The following WDPCP variants were observed in gnomAD, a reference collection of about 807,000 sequenced individuals.
WDPCP encodes the protein WD repeat containing planar cell polarity effector.
In WDPCP, 71 loss-of-function variants were observed where a neutral mutation model predicts 93.1. That is an observed-to-expected ratio of 0.76 (90% CI 0.63 to 0.93). The LOEUF (loss-of-function observed/expected upper bound fraction) is 0.93. WDPCP is among the 40% of genes least tolerant of loss of function. WDPCP has a pLI of 0.00. For missense variants in WDPCP, 844 were observed against 887.4 expected (o/e 0.95, Z 0.62); for synonymous variants, 315 against 315.0 (o/e 1.00, Z 0.00).
chr2:63,808,286 C>T (rs1382835709), intron 2 of WDPCP, among the ~76,000 whole-genome samples: 6 of 150,324 alleles, frequency 4.0e-5, no homozygotes, highest in Non-Finnish European at 7.4e-5. Flanking sequence ...TTAATTCCTT[C>T]GCTCCCTCTC....
At chr2:63,335,096 C>G (rs758270329) in intron 12 of WDPCP, among the ~76,000 whole-genome samples, 1 of 152,140 alleles carries the variant, frequency 6.6e-6, no homozygotes, top group Non-Finnish European at 1.5e-5. Context: ...GAGCTAGATG[C>G]GTAAGTGACT....
intron 13 of WDPCP, among the ~76,000 whole-genome samples, chr2:63,296,499 C>G (rs775167414): frequency 1.3e-5 from 2 of 152,166 alleles, no homozygotes; most frequent in Non-Finnish European, 2.9e-5. Flanking sequence ...AAAGAGTAGT[C>G]AAACTATCTC....
At chr2:63,799,100 T>C (rs1670659042) in intron 2 of WDPCP, among the ~76,000 whole-genome samples, 1 of 152,200 alleles carries the variant, frequency 6.6e-6, no homozygotes, top group Admixed American at 6.5e-5. Flanking sequence ...TTTCACACTT[T>C]AGAGTCTGCC....
chr2:63,156,540 C>T (rs1372540894), intron 15 of WDPCP, among the ~76,000 whole-genome samples: 5 of 151,630 alleles, frequency 3.3e-5, no homozygotes, highest in East Asian at 2.0e-4. Context: ...GTTCGAGACC[C>T]GTCTGGCCAA....
chr2:63,746,498 T>A (rs554531448), intron 2 of WDPCP, among the ~76,000 whole-genome samples: 1 of 152,230 alleles, frequency 6.6e-6, no homozygotes, highest in African/African-American at 2.4e-5. Context: ...GAGCCATACT[T>A]CTCTTATTAC....
chr2:63,350,744 C>T (rs1294786175), intron 12 of WDPCP, among the ~76,000 whole-genome samples: 1 of 151,864 alleles, frequency 6.6e-6, no homozygotes, highest in Non-Finnish European at 1.5e-5. Flanking sequence ...TTATGTAAAG[C>T]TTTGGATGTC....
intron 1 of WDPCP, among the ~76,000 whole-genome samples, chr2:63,579,052 C>A (rs1304517016): frequency 6.6e-6 from 1 of 152,122 alleles, no homozygotes; most frequent in African/African-American, 2.4e-5. Flanking sequence ...GAGGTGGTCT[C>A]TGTTCCTTAC....
At chr2:63,361,126 A>G (rs1690415890) in intron 12 of WDPCP, among the ~76,000 whole-genome samples, 1 of 152,196 alleles carries the variant, frequency 6.6e-6, no homozygotes, top group Middle Eastern at 3.2e-3. Context: ...ATTCATAGTG[A>G]CCTTAATCAC....
intron 1 of WDPCP, among the ~76,000 whole-genome samples, chr2:63,536,626 A>T (rs1324757918): frequency 1.3e-5 from 2 of 150,444 alleles, no homozygotes; most frequent in Non-Finnish European, 3.0e-5. Context: ...AATTAAATAT[A>T]AAAAAAAATT....
chr2:63,570,167 T>C (rs1326474825), intron 1 of WDPCP, among the ~76,000 whole-genome samples: 3 of 152,230 alleles, frequency 2.0e-5, no homozygotes, highest in Non-Finnish European at 4.4e-5. Flanking sequence ...GATGCAAATA[T>C]TTATAAATGT....
chr2:63,618,881 G>T (rs1322769130), intron 3 of WDPCP, among the ~76,000 whole-genome samples: 1 of 151,996 alleles, frequency 6.6e-6, no homozygotes, highest in Non-Finnish European at 1.5e-5. Context: ...TAGAGACAGG[G>T]TTTCTCCATG....
intron 1 of WDPCP, among the ~76,000 whole-genome samples, chr2:63,510,024 C>T (rs1350742121): frequency 1.3e-5 from 2 of 152,048 alleles, no homozygotes; most frequent in Non-Finnish European, 1.5e-5. Flanking sequence ...TGGTACCATT[C>T]CTTCTGAAAC....
intron 10 of WDPCP, among the ~76,000 whole-genome samples, chr2:63,386,837 A>C (rs1186753534): frequency 6.6e-6 from 1 of 152,092 alleles, no homozygotes; most frequent in Non-Finnish European, 1.5e-5. Flanking sequence ...ACAAAAAAAA[A>C]CCCTCAGAGG....
chr2:63,752,609 G>A (rs2103887568), intron 2 of WDPCP: 2 of 552,614 alleles, frequency 3.6e-6, no homozygotes, highest in East Asian at 3.0e-5. Context: ...AGGCTCTTTA[G>A]GATACTGATT....
chr2:63,630,485 A>G (rs1296290829), intron 3 of WDPCP, among the ~76,000 whole-genome samples: 1 of 152,230 alleles, frequency 6.6e-6, no homozygotes, highest in East Asian at 1.9e-4. Flanking sequence ...AAGTGTGTCT[A>G]TATTAATATC....
chr2:63,455,109 A>G (rs897633412), intron 6 of WDPCP, among the ~76,000 whole-genome samples: 1 of 152,166 alleles, frequency 6.6e-6, no homozygotes, highest in Admixed American at 6.5e-5. Flanking sequence ...ACATGAAAAT[A>G]TAAAAATCAT....
At chr2:63,251,486 CTTTTTTTTTTTT>C (rs869243555) in intron 14 of WDPCP, among the ~76,000 whole-genome samples, 1 of 107,130 alleles carries the variant, frequency 9.3e-6, no homozygotes, top group South Asian at 3.2e-4. Flanking sequence ...AAAAGCCTAC[CTTTTTTTTTTTT>C]TTTTTTTTTT....
intron 13 of WDPCP, among the ~76,000 whole-genome samples, chr2:63,293,817 A>T (rs1327942312): frequency 6.6e-6 from 1 of 152,184 alleles, no homozygotes; most frequent in South Asian, 2.1e-4. Flanking sequence ...CAACCTAAGG[A>T]ACAGAAAGAA....
At chr2:63,375,460 C>A (rs978389419) in intron 12 of WDPCP, among the ~76,000 whole-genome samples, 30 of 152,012 alleles carry the variant, frequency 2.0e-4, no homozygotes, top group African/African-American at 7.2e-4. Flanking sequence ...TGTGCTTCTA[C>A]TGTTTTCCTA....
Sources: allele counts gnomAD v4.1 joint callset (sites outside exome capture counted in the v4.1 genomes callset), GRCh38; gene constraint gnomAD v4.1.1; transcripts MANE v1.5; gene names NCBI Gene and HGNC (gene_info 2026-07-23, HGNC 2026-07-21).